The following C9orf78 variants were observed in gnomAD, a reference collection of about 807,000 sequenced individuals.
The protein encoded by C9orf78 is splicing factor C9orf78.
In C9orf78, 19 loss-of-function variants were observed where a neutral mutation model predicts 37.4. The observed-to-expected ratio is 0.51, with a 90% CI of 0.35 to 0.74. The LOEUF is 0.74. C9orf78 is among the 30% of genes least tolerant of loss of function. The probability of loss-of-function intolerance (pLI) is 0.01; values close to 1 mark genes in which losing one functional copy is unlikely to be tolerated. For missense variants in C9orf78, 291 were observed against 370.8 expected (o/e 0.78, Z 1.77); for synonymous variants, 130 against 128.0 (o/e 1.02, Z -0.10).
intron 8 of C9orf78, chr9:129,828,819 C>A (rs1461233289): frequency 2.6e-5 from 9 of 351,574 alleles, no homozygotes; most frequent in Non-Finnish European, 4.4e-5. Context: ...CAGCCTTGAA[C>A]TCTTAGTCTC....
intron 4 of C9orf78, among the ~76,000 whole-genome samples, chr9:129,832,856 C>T (rs1447545209): frequency 3.9e-5 from 6 of 151,910 alleles, no homozygotes; most frequent in Admixed American, 1.3e-4. Context: ...GTGGTGTGAT[C>T]GCGGCTCACT....
intron 5 of C9orf78, chr9:129,831,477 T>G (rs2031494744): frequency 8.1e-6 from 2 of 248,186 alleles, no homozygotes; most frequent in Non-Finnish European, 1.6e-5. Context: ...CAGGCTGGAG[T>G]GCAATGGCGA....
At chr9:129,829,830 G>T in intron 6 of C9orf78, 1 of 305,826 alleles carries the variant, frequency 3.3e-6, no homozygotes, top group Non-Finnish European at 6.1e-6. Context: ...AAGCCTCCCA[G>T]CTTTCTACTG....
intron 2 of C9orf78, 179 bp from the exon 3 acceptor site, chr9:129,833,888 G>A (rs1564189254): frequency 1.5e-5 from 9 of 597,818 alleles, no homozygotes; most frequent in Admixed American, 1.5e-4. Flanking sequence ...AACGAGCACC[G>A]CAGATGCTGG....
chr9:129,833,015 G>GTATATA (rs150955426), intron 4 of C9orf78, among the ~76,000 whole-genome samples: 6 of 149,156 alleles, frequency 4.0e-5, no homozygotes, highest in Non-Finnish European at 8.9e-5. Flanking sequence ...GTGTGTGTGT[G>GTATATA]TATATGTGTA....
In C9orf78 at chr9:129,833,536, G is replaced by T; in HGVS notation, c.196-19C>A. On this transcript the variant is annotated intron_variant, in intron 3 of 8. Coordinates refer to ENST00000372447, the MANE Select transcript of C9orf78 (RefSeq NM_016520.3). ...GATCATCCTGCAGAAAGCAAACACA[G>T]TTAAGAGGAAGCATCTAAATACATG... 2 of 1,571,976 alleles carry T rather than the reference G, an allele frequency of 1.3e-6. No individual in the cohort carries two copies. Among genetic ancestry groups the T allele is most frequent in the Non-Finnish European group, 1.8e-6 (2 of 1,141,744 alleles).
In C9orf78 at chr9:129,830,872, C is replaced by T. The variant is rs1456410837; in HGVS notation, c.541G>A (p.Asp181Asn). Residue 181 changes from aspartate (D) to asparagine (N), a missense_variant and splice_region_variant, in exon 6 of 9, where the codon GAT becomes AAT. Coordinates refer to ENST00000372447, the MANE Select transcript of C9orf78 (RefSeq NM_016520.3). ...SGIPEVDLGI[D>N]AKIKNIISTE... ...TCTGCCTAGGGGTCTCAAACATACTCGATGCCCAGGTCCACCTCAGGAATG... is the reference window on the plus strand; with the variant it reads ...TCTGCCTAGGGGTCTCAAACATACTTGATGCCCAGGTCCACCTCAGGAATG... 3.7e-6 allele frequency: 6 copies of T among 1,607,936 alleles called. No individual in the cohort carries two copies. Among genetic ancestry groups the T allele is most frequent in the East Asian group, 2.2e-5 (1 of 44,838 alleles).
chr9:129,835,034 A>T (rs1217630964), intron 1 of C9orf78, 105 bp downstream of exon 1: 4 of 947,268 alleles, frequency 4.2e-6, no homozygotes, highest in Non-Finnish European at 6.7e-6. Context: ...AGGAACCACC[A>T]CCCGAGCTCA....
At chr9:129,828,354 G>A in intron 8 of C9orf78, 102 bp from the exon 9 acceptor site, 3 of 729,498 alleles carry the variant, frequency 4.1e-6, no homozygotes, top group Non-Finnish European at 7.6e-6. Flanking sequence ...CTTCCCCACA[G>A]GAGCCCCAGC....
At chr9:129,828,729 TTTTTC>T in intron 8 of C9orf78, 1 of 245,018 alleles carries the variant, frequency 4.1e-6, no homozygotes, top group Non-Finnish European at 8.1e-6. Context: ...GGCCAATACC[TTTTTC>T]TTTTCTTTAA....
rs773995958 is a variant in C9orf78 at position 129,835,233 on chromosome 9, C to G, written c.-12G>C. The G allele has an allele frequency of 6.3e-7, 1 of 1,596,588 alleles. No individual in the cohort carries two copies. Among genetic ancestry groups the G allele is most frequent in the African/African-American group, 1.3e-5 (1 of 74,074 alleles). The stretch of plus-strand genomic sequence containing the variant: ...CGGACGACCGGCATGGTGACAACGG[C>G]CGAGTTGTACAGCCGCCGCGCCTCT... On this transcript the variant is annotated 5_prime_UTR_variant, in exon 1 of 9. Transcript: ENST00000372447.
At position 129,830,963 on chromosome 9, in the gene C9orf78, T is replaced by A. The variant is rs1208582713; in HGVS notation, c.450A>T (p.Pro150=). The stretch of plus-strand genomic sequence containing the variant: ...TTGCTGAGGAAACACGGATGTTTTC[T>A]GGAAGTTCATAAAGACAGTCCTCTG... The part of the protein sequence containing the change: ...KNAEDCLYEL[P]ENIRVSSAKK... The change falls in exon 6 of 9, where the codon CCA becomes CCT. Residue 150 remains proline (P), a synonymous_variant. Coordinates refer to ENST00000372447, the MANE Select transcript of C9orf78 (RefSeq NM_016520.3). The A allele has an allele frequency of 5.0e-6, 8 of 1,613,348 alleles. No homozygotes were observed. Among genetic ancestry groups the A allele is most frequent in the Admixed American group, 1.7e-5 (1 of 59,998 alleles).
At chr9:129,829,762 C>T in intron 6 of C9orf78, 1 of 472,268 alleles carries the variant, frequency 2.1e-6, no homozygotes, top group East Asian at 3.3e-5. Context: ...GCAAATTGAG[C>T]TTCAGAGAAG....
chr9:129,829,068 G>A, intron 8 of C9orf78, 137 bp downstream of exon 8: 1 of 715,258 alleles, frequency 1.4e-6, no homozygotes, highest in East Asian at 2.7e-5. Flanking sequence ...ACATAGTCAT[G>A]GTCCAGAGCA....
chr9:129,834,644 G>T, intron 2 of C9orf78, 63 bp downstream of exon 2: 1 of 1,177,314 alleles, frequency 8.5e-7, no homozygotes, highest in South Asian at 1.2e-5. Context: ...TTGTGACAGC[G>T]ACCCGGACGC....
intron 5 of C9orf78, 21 bp downstream of exon 5, chr9:129,831,875 G>A: frequency 7.5e-7 from 1 of 1,333,366 alleles, no homozygotes; most frequent in Non-Finnish European, 1.1e-6. Context: ...ACTGCTCACA[G>A]CCAAACAGAC....
chr9:129,833,407 G>A (rs377374362), intron 4 of C9orf78, 40 bp downstream of exon 4: 2 of 1,248,310 alleles, frequency 1.6e-6, no homozygotes, highest in Non-Finnish European at 2.4e-6. Flanking sequence ...CCAGGCAGCC[G>A]CTAAAGGTGA....
intron 6 of C9orf78, chr9:129,830,523 C>CTT: frequency 7.7e-6 from 2 of 260,020 alleles, no homozygotes; most frequent in Non-Finnish European, 1.5e-5. Flanking sequence ...TTTTTTTTTC[C>CTT]TTTTTTTTTG....
rs769854161 is a variant in C9orf78, at chr9:129,827,702, TAGA to T, written c.*456_*458del. 1 of 152,032 alleles carries T rather than the reference TAGA, an allele frequency of 6.6e-6. No homozygotes were observed. The highest frequency in any genetic ancestry group is 2.4e-5 in the African/African-American group (1 of 41,360). The allele number at this position is 152,032 out of a possible 1,614,324, so 9.4% of individuals were successfully genotyped here. On this transcript the variant is annotated 3_prime_UTR_variant, in exon 9 of 9. Coordinates refer to ENST00000372447, the MANE Select transcript of C9orf78 (RefSeq NM_016520.3). ...GTGCTTGAAAAATCCAGCAGGTAAG[TAGA>T]AGGACTAACAGGGTCTGTTTCTGGA...
Sources: allele counts gnomAD v4.1 joint callset (sites outside exome capture counted in the v4.1 genomes callset), GRCh38; gene constraint gnomAD v4.1.1; transcripts MANE v1.5; gene names NCBI Gene and HGNC (gene_info 2026-07-23, HGNC 2026-07-21).